TSNARE1: variants seen among roughly 807,000 people sequenced by gnomAD.
TSNARE1 encodes t-SNARE domain containing 1.
TSNARE1 carries 49 observed loss-of-function variants against 62.0 expected under a neutral mutation model. The ratio of observed to expected loss-of-function variants is 0.79; its 90% CI spans 0.63 to 1.00. The LOEUF is 1.00. TSNARE1 is among the 50% of genes least tolerant of loss of function. TSNARE1 has a pLI of 0.00. For synonymous variants in TSNARE1, 328 were observed against 294.4 expected (o/e 1.11, Z -1.17); for missense variants, 755 against 700.1 (o/e 1.08, Z -0.88).
At chr8:142,360,124 T>C (rs1835040797) in intron 1 of TSNARE1, among the ~76,000 whole-genome samples, 1 of 151,026 alleles carries the variant, frequency 6.6e-6, no homozygotes, top group Non-Finnish European at 1.5e-5. Context: ...CTCTGCTGAG[T>C]TCAGGACGCG....
chr8:142,282,081 C>T (rs907012197), intron 11 of TSNARE1, among the ~76,000 whole-genome samples: 2 of 152,228 alleles, frequency 1.3e-5, no homozygotes, highest in Non-Finnish European at 2.9e-5. Context: ...TCCAGAGGAA[C>T]GCAGAGCTGA....
At chr8:142,380,918 T>C (rs1206619016) in intron 1 of TSNARE1, among the ~76,000 whole-genome samples, 3 of 152,056 alleles carry the variant, frequency 2.0e-5, no homozygotes, top group Admixed American at 6.5e-5. Context: ...AAATCTTCCA[T>C]TGCCCTTCTC....
intron 10 of TSNARE1, among the ~76,000 whole-genome samples, chr8:142,292,186 A>G (rs1823896921): frequency 6.6e-6 from 1 of 152,002 alleles, no homozygotes. Flanking sequence ...AACACGAGAC[A>G]GGGGCAGACA....
intron 12 of TSNARE1, among the ~76,000 whole-genome samples, chr8:142,259,565 G>A (rs552362872): frequency 2.0e-5 from 3 of 152,178 alleles, no homozygotes; most frequent in South Asian, 2.1e-4. Flanking sequence ...CTCTGTACCC[G>A]CGGACACTGC....
intron 10 of TSNARE1, among the ~76,000 whole-genome samples, chr8:142,293,597 TCTC>T (rs1274587631): frequency 1.9e-4 from 29 of 152,082 alleles, no homozygotes; most frequent in Non-Finnish European, 7.4e-5. Flanking sequence ...AGCACCTACT[TCTC>T]CTTGTCTAGA....
At chr8:142,389,846 G>C (rs937962819) in intron 1 of TSNARE1, among the ~76,000 whole-genome samples, 1 of 152,218 alleles carries the variant, frequency 6.6e-6, no homozygotes, top group African/African-American at 2.4e-5. Context: ...CTTAACCATA[G>C]GGATACAATC....
intron 9 of TSNARE1, 138 bp from the exon 10 acceptor site, chr8:142,300,782 C>CGACGATCTGGGTCTGAGGA: frequency 9.1e-7 from 1 of 1,104,882 alleles, no homozygotes; most frequent in Non-Finnish European, 1.3e-6. Context: ...GGGTCTGAGG[C>CGACGATCTGGGTCTGAGGA]GGGGGCCTTC....
At chr8:142,318,760 C>T (rs1194804841) in intron 6 of TSNARE1, 126 bp from the exon 7 acceptor site, 46 of 809,316 alleles carry the variant, frequency 5.7e-5, no homozygotes, top group South Asian at 3.2e-4. Context: ...GATGGATGGA[C>T]AGGCGGAGAG....
At chr8:142,230,720 C>G (rs1204826604) in intron 12 of TSNARE1, among the ~76,000 whole-genome samples, 1 of 152,044 alleles carries the variant, frequency 6.6e-6, no homozygotes, top group Non-Finnish European at 1.5e-5. Context: ...CCTCGGTTAC[C>G]CCTCTGGGTC....
At chr8:142,283,121 T>A (rs1821943576) in intron 11 of TSNARE1, among the ~76,000 whole-genome samples, 1 of 148,236 alleles carries the variant, frequency 6.7e-6, no homozygotes, top group South Asian at 2.1e-4. Flanking sequence ...TGTCTGTCAA[T>A]GAGCAGAGGC....
At chr8:142,292,072 A>G (rs934687792) in intron 10 of TSNARE1, among the ~76,000 whole-genome samples, 1 of 151,102 alleles carries the variant, frequency 6.6e-6, no homozygotes, top group Non-Finnish European at 1.5e-5. Context: ...AGCATCCTCC[A>G]GGGCCCAGCC....
At chr8:142,391,931 G>T (rs926737409) in intron 1 of TSNARE1, among the ~76,000 whole-genome samples, 3 of 152,240 alleles carry the variant, frequency 2.0e-5, no homozygotes, top group Non-Finnish European at 4.4e-5. Context: ...CAGAGGCACC[G>T]CCAGCCACAG....
chr8:142,348,221 C>T (rs1479657288), intron 2 of TSNARE1, among the ~76,000 whole-genome samples: 3 of 152,210 alleles, frequency 2.0e-5, no homozygotes, highest in Admixed American at 6.5e-5. Flanking sequence ...TTCTTCCACG[C>T]ACCACATTCG....
At chr8:142,274,294 C>T in intron 12 of TSNARE1, 1 of 985,450 alleles carries the variant, frequency 1.0e-6, no homozygotes, top group Non-Finnish European at 1.2e-6. Context: ...AAGTCAGCAA[C>T]AAGGCCCAGT....
At chr8:142,346,140 C>G (rs1833340308) in intron 2 of TSNARE1, among the ~76,000 whole-genome samples, 1 of 152,260 alleles carries the variant, frequency 6.6e-6, no homozygotes, top group Non-Finnish European at 1.5e-5. Context: ...TGACTGCAAA[C>G]TAGCAAACAA....
intron 1 of TSNARE1, among the ~76,000 whole-genome samples, chr8:142,400,671 TAAG>T (rs1234502139): frequency 7.9e-5 from 12 of 152,130 alleles, no homozygotes; most frequent in African/African-American, 2.2e-4. Context: ...AAAATAAAAA[TAAG>T]AAGAAGACAG....
intron 2 of TSNARE1, among the ~76,000 whole-genome samples, chr8:142,351,905 C>T (rs1834135666): frequency 6.6e-6 from 1 of 152,224 alleles, no homozygotes; most frequent in Non-Finnish European, 1.5e-5. Context: ...CCCCACCTCA[C>T]ACCGTAAACA....
At chr8:142,279,725 C>T in intron 11 of TSNARE1, 2 of 293,462 alleles carry the variant, frequency 6.8e-6, no homozygotes, top group Non-Finnish European at 1.0e-5. Context: ...CGGGCCATCT[C>T]CATGGGCCTC....
intron 12 of TSNARE1, among the ~76,000 whole-genome samples, chr8:142,256,554 TCAC>T (rs1586873905): frequency 1.6e-5 from 2 of 124,334 alleles, no homozygotes; most frequent in African/African-American, 6.1e-5. Flanking sequence ...ACCATCACCA[TCAC>T]CACCATCACC....
Sources: gnomAD v4.1 joint callset for allele counts (sites outside exome capture counted in the v4.1 genomes callset) on GRCh38, gnomAD v4.1.1 for gene constraint, MANE v1.5 for transcripts, NCBI Gene and HGNC (gene_info 2026-07-23, HGNC 2026-07-21) for gene names.